Variants in UMAD1 observed in about 807,000 individuals in gnomAD.
The protein encoded by UMAD1 is UBAP1-MVB12-associated (UMA)-domain containing protein 1.
Under a neutral mutation model 6.1 loss-of-function variants are expected in UMAD1, and 8 were observed. That is an observed-to-expected ratio of 1.30 (90% CI 0.76 to 2.35). The LOEUF is 2.35. UMAD1 is among the 30% of genes most tolerant of loss of function. The probability of loss-of-function intolerance (pLI) is 0.00; values close to 1 mark genes in which losing one functional copy is unlikely to be tolerated. For synonymous variants in UMAD1, 56 were observed against 31.4 expected (o/e 1.78, Z -2.61); for missense variants, 130 against 78.4 (o/e 1.66, Z -2.49).
chr7:7,719,612 T>A (rs1366145220), intron 2 of UMAD1, among the ~76,000 whole-genome samples: 1 of 152,058 alleles, frequency 6.6e-6, no homozygotes, highest in Admixed American at 6.6e-5. Flanking sequence ...TTTCAGAGAG[T>A]TGAGCTATAG....
chr7:7,812,632 TTGAGA>T (rs1463973867), intron 3 of UMAD1, among the ~76,000 whole-genome samples: 1 of 151,416 alleles, frequency 6.6e-6, no homozygotes, highest in African/African-American at 2.4e-5. Flanking sequence ...ATGTCTTCAA[TTGAGA>T]TATTATTATT....
intron 2 of UMAD1, among the ~76,000 whole-genome samples, chr7:7,719,591 G>A (rs983069160): frequency 6.6e-6 from 1 of 152,124 alleles, no homozygotes; most frequent in Non-Finnish European, 1.5e-5. Context: ...ACTTCAAACC[G>A]ACTGTATATT....
At chr7:7,661,920 C>T (rs142355097) in intron 1 of UMAD1, among the ~76,000 whole-genome samples, 46 of 152,318 alleles carry the variant, frequency 3.0e-4, no homozygotes, top group African/African-American at 1.0e-3. Context: ...TGCCCCTTCC[C>T]CCGAGGTGCT....
intron 2 of UMAD1, among the ~76,000 whole-genome samples, chr7:7,707,710 G>A (rs1420170124): frequency 6.6e-6 from 1 of 152,144 alleles, no homozygotes; most frequent in Non-Finnish European, 1.5e-5. Flanking sequence ...GCTATTCTTA[G>A]TGTTAATATA....
chr7:7,665,270 G>C (rs1779413796), intron 1 of UMAD1, among the ~76,000 whole-genome samples: 1 of 152,194 alleles, frequency 6.6e-6, no homozygotes, highest in Admixed American at 6.5e-5. Flanking sequence ...CCTCTATTCT[G>C]AACAATAGGA....
At chr7:7,688,631 A>G (rs540853374) in intron 2 of UMAD1, among the ~76,000 whole-genome samples, 1 of 152,226 alleles carries the variant, frequency 6.6e-6, no homozygotes, top group South Asian at 2.1e-4. Flanking sequence ...TAAATCTTCT[A>G]TCATTTATTT....
chr7:7,746,465 C>T (rs565691933), intron 2 of UMAD1, among the ~76,000 whole-genome samples: 3 of 152,314 alleles, frequency 2.0e-5, no homozygotes, highest in Admixed American at 6.5e-5. Flanking sequence ...AAGCAGTTTT[C>T]GTGTGCTAAC....
At chr7:7,865,181 T>C (rs763297166) in intron 3 of UMAD1, among the ~76,000 whole-genome samples, 31 of 152,240 alleles carry the variant, frequency 2.0e-4, no homozygotes, top group Admixed American at 1.2e-3. Context: ...GTGGGAATCC[T>C]TGACTTTATA....
chr7:7,807,266 A>T (rs1782936355), intron 3 of UMAD1, among the ~76,000 whole-genome samples: 1 of 152,186 alleles, frequency 6.6e-6, no homozygotes, highest in Non-Finnish European at 1.5e-5. Flanking sequence ...TGAGCTTTAA[A>T]CTATGAATAA....
At chr7:7,690,891 A>G (rs185720723) in intron 2 of UMAD1, among the ~76,000 whole-genome samples, 1 of 152,340 alleles carries the variant, frequency 6.6e-6, no homozygotes, top group Admixed American at 6.5e-5. Flanking sequence ...TGTTATGAAA[A>G]TATGTAAATA....
chr7:7,811,539 A>T (rs1247678628), intron 3 of UMAD1, among the ~76,000 whole-genome samples: 1 of 152,186 alleles, frequency 6.6e-6, no homozygotes, highest in East Asian at 1.9e-4. Flanking sequence ...GATTTCTTCA[A>T]CTTCAATTCT....
At chr7:7,873,577 G>A (rs1266004671) in intron 3 of UMAD1, among the ~76,000 whole-genome samples, 1 of 152,134 alleles carries the variant, frequency 6.6e-6, no homozygotes, top group African/African-American at 2.4e-5. Flanking sequence ...TCCTAAAACA[G>A]TACTCTGGTG....
At chr7:7,723,849 C>G (rs2080253) in intron 2 of UMAD1, among the ~76,000 whole-genome samples, 37,479 of 147,746 alleles carry the variant, frequency 0.25, 5,261 homozygotes, top group African/African-American at 0.42. Context: ...TAGAGCTCTG[C>G]CATTGGCTAA....
intron 3 of UMAD1, among the ~76,000 whole-genome samples, chr7:7,847,405 G>C (rs1445571344): frequency 6.6e-6 from 1 of 151,628 alleles, no homozygotes; most frequent in African/African-American, 2.4e-5. Flanking sequence ...TCATTAGAGA[G>C]GCCACATGCT....
intron 2 of UMAD1, among the ~76,000 whole-genome samples, chr7:7,741,588 A>G (rs1358213909): frequency 1.1e-5 from 1 of 90,778 alleles, no homozygotes; most frequent in South Asian, 3.6e-4. Context: ...AAATAATAAT[A>G]ATAATAATAA....
chr7:7,656,941 A>C (rs1785357942), intron 1 of UMAD1, among the ~76,000 whole-genome samples: 1 of 152,190 alleles, frequency 6.6e-6, no homozygotes, highest in Admixed American at 6.5e-5. Context: ...ACAGTGTTAA[A>C]AGCCTTCCTA....
intron 2 of UMAD1, among the ~76,000 whole-genome samples, chr7:7,697,887 A>G (rs894629905): frequency 3.3e-5 from 5 of 152,128 alleles, no homozygotes; most frequent in African/African-American, 1.2e-4. Flanking sequence ...TGAGACCAGA[A>G]GTGTTTTCAG....
chr7:7,704,123 A>G lies in UMAD1; in HGVS notation c.82+30670A>G, dbSNP rs1227338300. 3.3e-5 allele frequency among the ~76,000 whole-genome samples: 5 copies of G among 152,342 alleles called. 1 individual carries two copies. The highest frequency in any genetic ancestry group is 5.9e-5 in the Non-Finnish European group (4 of 68,042). On this transcript the variant is annotated intron_variant, in intron 2 of 3. Coordinates refer to ENST00000682710, the MANE Select transcript of UMAD1 (RefSeq NM_001302348.2). ...GCTGTGTTTTCTTTATTGTATTTCA[A>G]CTAAACAACACATCATGATAGTCTG...
intron 3 of UMAD1, among the ~76,000 whole-genome samples, chr7:7,822,525 G>A (rs1783260996): frequency 2.0e-5 from 3 of 152,178 alleles, no homozygotes; most frequent in South Asian, 2.1e-4. Flanking sequence ...TTTTTCTTCA[G>A]CTGATATGCA....
Sources: gnomAD v4.1 joint callset for allele counts (sites outside exome capture counted in the v4.1 genomes callset) on GRCh38, gnomAD v4.1.1 for gene constraint, MANE v1.5 for transcripts, NCBI Gene and HGNC (gene_info 2026-07-23, HGNC 2026-07-21) for gene names.